JKAMP: variants seen among roughly 807,000 people sequenced by gnomAD.
JKAMP encodes JNK1/MAPK8 associated membrane protein, also known as JNK1/MAPK8-associated membrane protein.
In JKAMP, 20 loss-of-function variants were observed where a neutral mutation model predicts 40.2. The ratio of observed to expected loss-of-function variants is 0.50; its 90% CI spans 0.35 to 0.72. The LOEUF (loss-of-function observed/expected upper bound fraction) is 0.72, where lower values mean the gene tolerates loss of function less well. Ranked by LOEUF, JKAMP falls within the 30% of genes least tolerant of loss-of-function variation. The pLI is 0.01. For synonymous variants in JKAMP, 138 were observed against 131.6 expected (o/e 1.05, Z -0.33); for missense variants, 276 against 373.0 (o/e 0.74, Z 2.14).
At chr14:59,488,626 C>T (rs1002804367) in intron 3 of JKAMP, among the ~76,000 whole-genome samples, 2 of 152,054 alleles carry the variant, frequency 1.3e-5, no homozygotes, top group African/African-American at 2.4e-5. Context: ...TAGGTTGAGG[C>T]CAGAATGTGA....
intron 6 of JKAMP, among the ~76,000 whole-genome samples, chr14:59,503,627 G>A (rs1226098653): frequency 3.3e-5 from 5 of 152,170 alleles, no homozygotes; most frequent in Non-Finnish European, 7.3e-5. Flanking sequence ...CGTAGCTTTC[G>A]TCTGGGTGCC....
chr14:59,500,392 T>C (rs1891786698), intron 5 of JKAMP, among the ~76,000 whole-genome samples: 1 of 152,120 alleles, frequency 6.6e-6, no homozygotes, highest in African/African-American at 2.4e-5. Context: ...AATTCAAAGT[T>C]TTTTTCTCAA....
intron 4 of JKAMP, 115 bp downstream of exon 4, chr14:59,495,339 C>T (rs1891366533): frequency 4.2e-6 from 3 of 711,752 alleles, no homozygotes; most frequent in South Asian, 3.7e-5. Context: ...CTGGGTCTGC[C>T]AGCGGCTTTA....
chr14:59,497,077 C>T (rs1488932936), intron 4 of JKAMP, among the ~76,000 whole-genome samples: 5 of 148,986 alleles, frequency 3.4e-5, no homozygotes, highest in East Asian at 2.0e-4. Flanking sequence ...AGTGCATTGA[C>T]AAATGAAGGC....
chr14:59,503,468 C>T (rs2139923143), intron 6 of JKAMP, among the ~76,000 whole-genome samples: 1 of 152,252 alleles, frequency 6.6e-6, no homozygotes. Flanking sequence ...CCTCCTATTT[C>T]CCACCTGTAG....
chr14:59,486,950 C>T, intron 2 of JKAMP, 146 bp downstream of exon 2: 1 of 642,328 alleles, frequency 1.6e-6, no homozygotes, highest in South Asian at 2.0e-5. Flanking sequence ...CCTGTAATCC[C>T]AGCACTTTGG....
At chr14:59,495,251 ATT>A in intron 4 of JKAMP, 27 bp downstream of exon 4, 1 of 1,449,742 alleles carries the variant, frequency 6.9e-7, no homozygotes, top group Non-Finnish European at 9.4e-7. Context: ...ACTTAAGATC[ATT>A]GTTTTTTTTT....
chr14:59,504,157 T>TATCA lies in JKAMP; in HGVS notation c.*86_*89dup, dbSNP rs1224203911. 6.6e-6 allele frequency: 5 copies of TATCA among 759,422 alleles called. No individual in the cohort carries two copies. Among genetic ancestry groups the TATCA allele is most frequent in the East Asian group, 2.6e-5 (1 of 38,528 alleles). The allele number at this position is 759,422 out of a possible 1,614,324, so 47.0% of individuals were successfully genotyped here. On this transcript the variant is annotated 3_prime_UTR_variant, in exon 7 of 7. Transcript: ENST00000616435. ...TCTTAACAGTGTATGAGAACTATTC[T>TATCA]ATCATATATGGGAACAAGATTGTCA...
At chr14:59,496,303 C>T (rs1891445788) in intron 4 of JKAMP, among the ~76,000 whole-genome samples, 1 of 150,968 alleles carries the variant, frequency 6.6e-6, no homozygotes, top group Non-Finnish European at 1.5e-5. Flanking sequence ...CTGATAATGT[C>T]CTTTTTGTTG....
At chr14:59,485,321 T>A in intron 1 of JKAMP, 3 of 489,120 alleles carry the variant, frequency 6.1e-6, no homozygotes, top group Non-Finnish European at 1.0e-5. Flanking sequence ...TTTAGAACAT[T>A]GTGATTACAA....
rs754198805 is a variant in JKAMP, at chr14:59,501,288, T to C, written c.717+21T>C. The C allele has an allele frequency of 3.4e-6, 5 of 1,462,694 alleles. No homozygotes were observed. The South Asian group carries it at 5.8e-5, about 17-fold the overall frequency. 90.6% of individuals were successfully genotyped at this position (1,462,694 alleles called of 1,614,324 possible). Reference sequence around the variant, plus strand: ...TAGAGGTAGGAAGTCTTTTTTTCCTTTGTTAAAGACTTTTTGATAAATTTG... The same window carrying C: ...TAGAGGTAGGAAGTCTTTTTTTCCTCTGTTAAAGACTTTTTGATAAATTTG... On this transcript the variant is annotated intron_variant, in intron 6 of 6. Transcript: ENST00000616435.
intron 5 of JKAMP, among the ~76,000 whole-genome samples, chr14:59,500,009 C>G (rs1891750686): frequency 6.6e-6 from 1 of 152,190 alleles, no homozygotes; most frequent in Non-Finnish European, 1.5e-5. Context: ...TACATTTGCA[C>G]TGATTTGCAC....
intron 1 of JKAMP, chr14:59,485,079 A>G (rs1317756847): frequency 1.3e-6 from 2 of 1,598,464 alleles, no homozygotes; most frequent in African/African-American, 2.7e-5. Flanking sequence ...AAATGAAAGG[A>G]GAAATTCAAC....
At chr14:59,493,905 A>G (rs1891224608) in intron 3 of JKAMP, among the ~76,000 whole-genome samples, 1 of 152,228 alleles carries the variant, frequency 6.6e-6, no homozygotes, top group African/African-American at 2.4e-5. Context: ...TTATATATGA[A>G]ACTTTATATG....
At chr14:59,498,523 G>T (rs1891615265) in intron 4 of JKAMP, among the ~76,000 whole-genome samples, 1 of 152,094 alleles carries the variant, frequency 6.6e-6, no homozygotes, top group African/African-American at 2.4e-5. Flanking sequence ...CATATTTCCA[G>T]ACTGCCTAAG....
At chr14:59,502,100 A>G (rs1891924179) in intron 6 of JKAMP, among the ~76,000 whole-genome samples, 2 of 152,188 alleles carry the variant, frequency 1.3e-5, no homozygotes, top group Admixed American at 1.3e-4. Flanking sequence ...CTTTGAATCA[A>G]AATGGGCATT....
intron 3 of JKAMP, among the ~76,000 whole-genome samples, chr14:59,490,464 G>A (rs543609272): frequency 6.6e-6 from 1 of 152,276 alleles, no homozygotes; most frequent in South Asian, 2.1e-4. Flanking sequence ...GTATGGAAGT[G>A]GCATCATTTG....
rs1322940618 is a variant in JKAMP at position 59,486,008 on chromosome 14, C to G, written c.5-705C>G. On this transcript the variant is annotated intron_variant, in intron 1 of 6. Coordinates refer to ENST00000616435, the MANE Select transcript of JKAMP (RefSeq NM_016475.5). ...AATTTCTTGTGAATAAGGTCAAAGA[C>G]AACGTATTAGGTTCTTAGTTGTTGG... 2.0e-5 allele frequency: 3 copies of G among 152,304 alleles called. No homozygotes were observed. The East Asian group carries it at 5.8e-4, about 29-fold the overall frequency. 9.4% of individuals were successfully genotyped at this position (152,304 alleles called of 1,614,324 possible). A position where few individuals can be genotyped will look rare whatever the true frequency, so the allele number is the denominator to read the frequency against.
intron 4 of JKAMP, 58 bp from the exon 5 acceptor site, chr14:59,498,669 G>T: frequency 1.1e-6 from 1 of 946,920 alleles, no homozygotes; most frequent in Non-Finnish European, 1.6e-6. Context: ...AAATGATCAA[G>T]ATTAAAAACA....
Sources: allele counts gnomAD v4.1 joint callset (sites outside exome capture counted in the v4.1 genomes callset), GRCh38; gene constraint gnomAD v4.1.1; transcripts MANE v1.5; gene names NCBI Gene and HGNC (gene_info 2026-07-23, HGNC 2026-07-21).